The following NLRP14 variants were observed in gnomAD, a reference collection of about 807,000 sequenced individuals.
NLRP14 encodes NLR family pyrin domain containing 14.
In NLRP14, 105 loss-of-function variants were observed where a neutral mutation model predicts 94.7. The observed-to-expected ratio is 1.11, with a 90% CI of 0.95 to 1.30. NLRP14 has a LOEUF of 1.30. Ranked by LOEUF, NLRP14 falls within the 50% of genes most tolerant of loss-of-function variation. NLRP14 has a pLI of 0.00. For missense variants in NLRP14, 1,362 were observed against 1,254.1 expected (o/e 1.09, Z -1.30); for synonymous variants, 508 against 459.9 (o/e 1.10, Z -1.34).
chr11:7,088,794 T>A, the NLRP14 span, among the ~76,000 whole-genome samples: 1 of 152,196 alleles, frequency 6.6e-6, no homozygotes, highest in Non-Finnish European at 1.5e-5. Context: ...GAAAAAAATT[T>A]TTTTCCACCT....
At chr11:7,020,945 C>T (rs1851918776) in intron 1 of NLRP14, among the ~76,000 whole-genome samples, 175 bp downstream of exon 1, 3 of 152,322 alleles carry the variant, frequency 2.0e-5, no homozygotes, top group South Asian at 2.1e-4. Context: ...GGAGCCCCTC[C>T]TCAGTGTCCT....
At chr11:7,074,105 C>G (rs113102202), downstream of NLRP14, among the ~76,000 whole-genome samples, 39 of 152,284 alleles carry the variant, frequency 2.6e-4, 1 homozygote, top group African/African-American at 8.4e-4. Flanking sequence ...TTCAAATATT[C>G]ACAAAGTTTT....
At chr11:7,064,362 G>A (rs563273478) in intron 10 of NLRP14, among the ~76,000 whole-genome samples, 1 of 152,218 alleles carries the variant, frequency 6.6e-6, no homozygotes, top group Admixed American at 6.5e-5. Flanking sequence ...AAACCAGGCC[G>A]AGGGTCAGTC....
intron 1 of NLRP14, among the ~76,000 whole-genome samples, chr11:7,029,327 G>A (rs1852059790): frequency 6.6e-6 from 1 of 152,284 alleles, no homozygotes. Flanking sequence ...AAATGAACAA[G>A]TACTACAATC....
chr11:7,049,856 T>A lies in NLRP14; in HGVS notation c.2291+18T>A, dbSNP rs1852417187. The A allele has an allele frequency of 1.9e-6, 3 of 1,606,872 alleles. No individual in the cohort carries two copies. Among genetic ancestry groups the A allele is most frequent in the Non-Finnish European group, 2.6e-6 (3 of 1,173,676 alleles). On this transcript the variant is annotated intron_variant, in intron 6 of 11. Coordinates refer to ENST00000299481, the MANE Select transcript of NLRP14 (RefSeq NM_176822.4). ...ACTCTCAGGTAAGCTTTGAATTGTTTTGTCTTGTTTTGTTTTTATAATTGA... is the reference window on the plus strand; with the variant it reads ...ACTCTCAGGTAAGCTTTGAATTGTTATGTCTTGTTTTGTTTTTATAATTGA...
At chr11:7,034,398 T>C (rs932913877) in intron 1 of NLRP14, among the ~76,000 whole-genome samples, 6 of 152,352 alleles carry the variant, frequency 3.9e-5, no homozygotes, top group Non-Finnish European at 7.3e-5. Flanking sequence ...ATCTATTCCC[T>C]GTCCCAGCCC....
At chr11:7,065,764 G>T (rs915215680) in intron 10 of NLRP14, among the ~76,000 whole-genome samples, 26 of 151,856 alleles carry the variant, frequency 1.7e-4, no homozygotes, top group Admixed American at 1.2e-3. Flanking sequence ...GAATGTGCAG[G>T]TTTGTTACAT....
At chr11:7,055,583 G>C (rs527841290) in intron 6 of NLRP14, among the ~76,000 whole-genome samples, 100 of 152,100 alleles carry the variant, frequency 6.6e-4, no homozygotes, top group Admixed American at 5.6e-3. Flanking sequence ...GGTAATGGCA[G>C]TTTTCTGATT....
Position 7,058,308 on chromosome 11 carries a change from G to A in NLRP14, c.2491G>A (p.Gly831Ser), listed in dbSNP as rs1852551017. The change falls in exon 8 of 12, where the codon GGC becomes AGC. Residue 831 changes from glycine (G) to serine (S), a missense_variant. By Grantham distance (56) the Gly-to-Ser change is moderately conservative. Coordinates refer to ENST00000299481, the MANE Select transcript of NLRP14 (RefSeq NM_176822.4). ...AGAAAGCTGTGGTCTCACAGAGGCT[G>A]GCTGTGAGTATCTTTCTTTGGCTCT... Reference protein sequence around the residue: ...SLESCGLTEAGCEYLSLALIS... With the variant: ...SLESCGLTEASCEYLSLALIS... 5 of 1,612,346 alleles carry A rather than the reference G, an allele frequency of 3.1e-6. No homozygotes were observed. The highest frequency in any genetic ancestry group is 1.7e-5 in the Admixed American group (1 of 59,900).
At chr11:7,062,651 A>G in intron 10 of NLRP14, 148 bp downstream of exon 10, 2 of 743,284 alleles carry the variant, frequency 2.7e-6, no homozygotes, top group Admixed American at 2.0e-5. Context: ...TTTCAAATAA[A>G]TGGATCAATG....
the NLRP14 span, among the ~76,000 whole-genome samples, chr11:7,084,357 G>A: frequency 8.1e-3 from 1,228 of 152,214 alleles, 14 homozygotes; most frequent in African/African-American, 0.027. Context: ...ATAGGAGTAC[G>A]CTTTGTTTTA....
In NLRP14 at chr11:7,049,718, C is replaced by A. The variant is rs1852414375; in HGVS notation, c.2171C>A (p.Ser724Tyr). 1 of 1,612,636 alleles carries A rather than the reference C, an allele frequency of 6.2e-7. No individual in the cohort carries two copies. ...FPDGCQDIST[S>Y]LIHNKNLMHL... ...GATGGTTGTCAGGATATCTCTACTTCTTTGATTCATAACAAGAATCTGATG... is the reference window on the plus strand; with the variant it reads ...GATGGTTGTCAGGATATCTCTACTTATTTGATTCATAACAAGAATCTGATG... The change falls in exon 6 of 12, where the codon TCT becomes TAT. Residue 724 changes from serine (S) to tyrosine (Y), a missense_variant. By Grantham distance (144) the Ser-to-Tyr change is moderately radical. Coordinates refer to ENST00000299481, the MANE Select transcript of NLRP14 (RefSeq NM_176822.4).
the NLRP14 span, chr11:7,089,919 G>A: frequency 5.0e-6 from 8 of 1,612,716 alleles, no homozygotes; most frequent in Admixed American, 1.7e-5. Context: ...CGGAGGTCGC[G>A]ACCGTGACTA....
chr11:7,038,555 TC>T lies in NLRP14; in HGVS notation c.-21-5del, dbSNP rs533388814. On this transcript the variant is annotated splice_polypyrimidine_tract_variant and intron_variant, in intron 1 of 11. Coordinates refer to ENST00000299481, the MANE Select transcript of NLRP14 (RefSeq NM_176822.4). ...TCCATGTGCTTTTGGTTATTTTTTT[TC>T]CCCCCACAGAGGCCTGAATATTTGG... The T allele has an allele frequency of 2.5e-6, 4 of 1,606,104 alleles. No individual in the cohort carries two copies. Among genetic ancestry groups the T allele is most frequent in the South Asian group, 2.2e-5 (2 of 90,678 alleles).
Position 7,062,334 on chromosome 11 carries a change from T to A in NLRP14, c.2806T>A (p.Leu936Met). ...CTTTTCCTATTGTAATTCTTACAGA[T>A]TGATGGGCTGTGTTCTCACTAATGC... ...HPSCNLQDLELMGCVLTNACC... is the reference protein window; with the variant it reads ...HPSCNLQDLEMMGCVLTNACC... Residue 936 changes from leucine to methionine, a missense_variant and splice_region_variant, in exon 10 of 12, where the codon TTG (leucine) becomes ATG (methionine). Physicochemically the swap from Leu to Met is conservative, Grantham distance 15. Transcript: ENST00000299481. 6.2e-7 allele frequency: 1 copy of A among 1,612,088 alleles called. No individual in the cohort carries two copies. Among genetic ancestry groups the A allele is most frequent in the Non-Finnish European group, 8.5e-7 (1 of 1,178,408 alleles).
chr11:7,071,057 A>C (rs554355655), intron 11 of NLRP14, 116 bp from the exon 12 acceptor site: 2 of 1,137,754 alleles, frequency 1.8e-6, no homozygotes, highest in Non-Finnish European at 2.6e-6. Context: ...TTATAATATT[A>C]TCTCTCTATT....
chr11:7,047,793 C>T (rs1213026300), intron 5 of NLRP14, among the ~76,000 whole-genome samples: 1 of 120,640 alleles, frequency 8.3e-6, no homozygotes, highest in African/African-American at 3.1e-5. Flanking sequence ...GACAGTCTTG[C>T]TCTGTCACCA....
the NLRP14 span, among the ~76,000 whole-genome samples, chr11:7,078,462 A>AAAAAAAAAAAAAAG: frequency 1.1e-3 from 95 of 88,528 alleles, 24 homozygotes; most frequent in East Asian, 1.7e-3. Flanking sequence ...AAAAAAAAAA[A>AAAAAAAAAAAAAAG]CAAAAAAATT....
intron 1 of NLRP14, among the ~76,000 whole-genome samples, chr11:7,023,533 A>C (rs1189236236): frequency 2.0e-5 from 3 of 146,404 alleles, no homozygotes; most frequent in Non-Finnish European, 4.5e-5. Context: ...AAATATATTT[A>C]TATTTATATT....
Sources: gnomAD v4.1 joint callset for allele counts (sites outside exome capture counted in the v4.1 genomes callset) on GRCh38, gnomAD v4.1.1 for gene constraint, MANE v1.5 for transcripts, NCBI Gene and HGNC (gene_info 2026-07-23, HGNC 2026-07-21) for gene names.